Variants in DDHD2 observed in about 807,000 individuals in gnomAD.
DDHD2 encodes the protein triacylglycerol hydrolase DDHD2.
Under a neutral mutation model 91.2 loss-of-function variants are expected in DDHD2, and 62 were observed. The ratio of observed to expected loss-of-function variants is 0.68; its 90% CI spans 0.55 to 0.84. The LOEUF is 0.84. Ranked by LOEUF, DDHD2 falls within the 40% of genes least tolerant of loss-of-function variation. The pLI, the probability that DDHD2 is intolerant of heterozygous loss-of-function variation, is 0.00. For missense variants in DDHD2, 740 were observed against 846.9 expected (o/e 0.87, Z 1.57); for synonymous variants, 271 against 293.9 (o/e 0.92, Z 0.80).
In DDHD2 at chr8:38,238,125, G is replaced by A; in HGVS notation, c.538G>A (p.Asp180Asn). The change falls in exon 5 of 18, where the codon GAT (aspartate) becomes AAT (asparagine). Residue 180 changes from aspartate to asparagine, a missense_variant. Physicochemically the swap from Asp to Asn is conservative, Grantham distance 23. Transcript: ENST00000397166. ...VHYQPVAGSD[D>N]WGSTPTEQGR... ...TTACCAGCCAGTTGCAGGGTCTGAT[G>A]ATTGGGGTTCAACACCCACGGAGCA... 6.2e-7 allele frequency: 1 copy of A among 1,613,454 alleles called. No individual in the cohort carries two copies. Among genetic ancestry groups the A allele is most frequent in the Non-Finnish European group, 8.5e-7 (1 of 1,179,802 alleles).
chr8:38,247,600 TGTTAAA>T (rs1805748904), intron 9 of DDHD2, 107 bp from the exon 10 acceptor site: 3 of 620,378 alleles, frequency 4.8e-6, no homozygotes, highest in East Asian at 6.4e-5. Flanking sequence ...AATGACAATT[TGTTAAA>T]GTTAAGATAC....
At chr8:38,246,027 T>C (rs1310775684) in intron 8 of DDHD2, 77 bp downstream of exon 8, 3 of 1,430,514 alleles carry the variant, frequency 2.1e-6, no homozygotes, top group Non-Finnish European at 2.9e-6. Flanking sequence ...ACAATGTCTT[T>C]TATCAGTATG....
intron 7 of DDHD2, 130 bp downstream of exon 7, chr8:38,242,515 C>A: frequency 2.1e-6 from 2 of 957,440 alleles, no homozygotes; most frequent in Non-Finnish European, 3.1e-6. Context: ...CTATTAAATG[C>A]TGATCAGTCC....
Position 38,231,760 on chromosome 8 carries a change from C to G in DDHD2, c.-108C>G, listed in dbSNP as rs1804268839. The G allele has an allele frequency of 6.6e-6, 1 of 152,146 alleles. No individual in the cohort carries two copies. The highest frequency in any genetic ancestry group is 2.1e-4 in the South Asian group (1 of 4,838). 9.4% of individuals were successfully genotyped at this position (152,146 alleles called of 1,614,324 possible). A position where few individuals can be genotyped will look rare whatever the true frequency, so the allele number is the denominator to read the frequency against. On this transcript the variant is annotated 5_prime_UTR_variant, in exon 1 of 18. Coordinates refer to ENST00000397166, the MANE Select transcript of DDHD2 (RefSeq NM_015214.3). ...GCGGGGCTGCAGGTTCCGCCCTGCT[C>G]CGCCGCGCCCCGCCCGGGCTGGGGT...
intron 16 of DDHD2, among the ~76,000 whole-genome samples, chr8:38,256,896 T>G (rs1210034479): frequency 6.6e-6 from 1 of 152,220 alleles, no homozygotes; most frequent in Non-Finnish European, 1.5e-5. Context: ...TTTGAGAGTT[T>G]CAGTTGCTCC....
intron 10 of DDHD2, among the ~76,000 whole-genome samples, chr8:38,249,176 G>A (rs1210833454): frequency 6.6e-6 from 1 of 151,634 alleles, no homozygotes; most frequent in South Asian, 2.1e-4. Context: ...GCAGTGGCGC[G>A]ATCTCGGCTC....
chr8:38,265,813 T>G (rs1807501880), downstream of DDHD2, among the ~76,000 whole-genome samples: 1 of 152,260 alleles, frequency 6.6e-6, no homozygotes, highest in Non-Finnish European at 1.5e-5. Context: ...TGAATTTTAC[T>G]TATGTTTTTG....
intron 15 of DDHD2, 59 bp from the exon 16 acceptor site, chr8:38,253,497 C>G: frequency 1.4e-6 from 2 of 1,473,484 alleles, no homozygotes; most frequent in Non-Finnish European, 1.9e-6. Flanking sequence ...GAGAAGTTAA[C>G]AGGATAACCC....
At chr8:38,243,372 C>T (rs1392795076) in intron 7 of DDHD2, among the ~76,000 whole-genome samples, 3 of 152,250 alleles carry the variant, frequency 2.0e-5, no homozygotes, top group East Asian at 1.9e-4. Flanking sequence ...ATCTCTTTAT[C>T]GTTTGACCTG....
At chr8:38,238,873 G>A (rs1805015092) in intron 5 of DDHD2, 1 of 234,904 alleles carries the variant, frequency 4.3e-6, no homozygotes, top group Non-Finnish European at 7.0e-6. Context: ...GGTTAAAGAG[G>A]TATGGTGCAT....
At chr8:38,264,753 C>A, downstream of DDHD2, 3 of 1,447,746 alleles carry the variant, frequency 2.1e-6, no homozygotes, top group Non-Finnish European at 2.7e-6. Flanking sequence ...TAAATAAAAT[C>A]TTTTTATTCT....
chr8:38,246,959 C>T (rs184510639), intron 9 of DDHD2: 16 of 152,304 alleles, frequency 1.1e-4, no homozygotes, highest in African/African-American at 3.4e-4. Flanking sequence ...AAACTCTGTT[C>T]GAAAGTATTG....
chr8:38,271,389 T>C (rs1808473587), exon 2 of DDHD2: 1 of 151,980 alleles, frequency 6.6e-6, no homozygotes, highest in African/African-American at 2.4e-5. Context: ...GTACCTGTGG[T>C]AAACATTATC....
chr8:38,234,364 A>G, intron 2 of DDHD2, 30 bp from the exon 3 acceptor site: 1 of 1,487,466 alleles, frequency 6.7e-7, no homozygotes, highest in Non-Finnish European at 9.0e-7. Flanking sequence ...TGAAATATGT[A>G]CTTCTTTTCC....
At chr8:38,237,986 T>A in intron 4 of DDHD2, 103 bp from the exon 5 acceptor site, 1 of 1,213,234 alleles carries the variant, frequency 8.2e-7, no homozygotes. Flanking sequence ...AGTTCAGATT[T>A]TACTGTGTGG....
chr8:38,244,726 G>A (rs1805492999), intron 7 of DDHD2, among the ~76,000 whole-genome samples: 1 of 151,276 alleles, frequency 6.6e-6, no homozygotes, highest in Non-Finnish European at 1.5e-5. Flanking sequence ...CACCACACCC[G>A]GCTAATTTTT....
intron 16 of DDHD2, chr8:38,255,238 AT>A: frequency 3.0e-6 from 1 of 336,854 alleles, no homozygotes. Context: ...CCTAAGAATA[AT>A]TTTTCCCTTG....
chr8:38,240,175 A>C lies in DDHD2; in HGVS notation c.623-100A>C, dbSNP rs574121351. 5 of 566,268 alleles carry C rather than the reference A, an allele frequency of 8.8e-6. No homozygotes were observed. In the African/African-American group the frequency reaches 9.3e-5, roughly 11 times the overall value. The allele number at this position is 566,268 out of a possible 1,614,324, so 35.1% of individuals were successfully genotyped here. A position where few individuals can be genotyped will look rare whatever the true frequency, so the allele number is the denominator to read the frequency against. ...TTTGTATCTTTTAAATTATCTGTTC[A>C]TCTTTTAACTTGCTCATATTTATAA... On this transcript the variant is annotated intron_variant, in intron 5 of 17. Transcript: ENST00000397166.
chr8:38,233,304 C>T (rs1345232230), intron 2 of DDHD2, 90 bp downstream of exon 2: 49 of 1,004,518 alleles, frequency 4.9e-5, no homozygotes, highest in Non-Finnish European at 6.8e-5. Context: ...CTATGAAAAC[C>T]AAATTTTAGA....
Sources: gnomAD v4.1 joint callset for allele counts (sites outside exome capture counted in the v4.1 genomes callset) on GRCh38, gnomAD v4.1.1 for gene constraint, MANE v1.5 for transcripts, NCBI Gene and HGNC (gene_info 2026-07-23, HGNC 2026-07-21) for gene names.